The following NOL10 variants were observed in gnomAD, a reference collection of about 807,000 sequenced individuals.
NOL10 encodes the protein nucleolar protein 10, also known as H_NH0074G24.1.
NOL10 carries 58 observed loss-of-function variants against 103.5 expected under a neutral mutation model. The ratio of observed to expected loss-of-function variants is 0.56; its 90% CI spans 0.45 to 0.70. The LOEUF (loss-of-function observed/expected upper bound fraction) is 0.70, where lower values mean the gene tolerates loss of function less well. NOL10 is among the 30% of genes least tolerant of loss of function. The pLI is 0.00. For synonymous variants in NOL10, 287 were observed against 282.5 expected (o/e 1.02, Z -0.16); for missense variants, 763 against 807.3 (o/e 0.95, Z 0.67).
chr2:10,580,446 C>T (rs4669596), intron 19 of NOL10, among the ~76,000 whole-genome samples: 89,436 of 150,612 alleles, frequency 0.59, 27,515 homozygotes, highest in African/African-American at 0.74. Context: ...GACTTTTTCA[C>T]TGGTGTATAG....
chr2:10,572,234 C>G, intron 20 of NOL10, 44 bp from the exon 21 acceptor site: 1 of 1,607,126 alleles, frequency 6.2e-7, no homozygotes, highest in East Asian at 2.2e-5. Context: ...AGAGAAAATT[C>G]TATACCTCTT....
intron 19 of NOL10, among the ~76,000 whole-genome samples, chr2:10,585,988 A>C (rs1397031885): frequency 6.6e-6 from 1 of 152,222 alleles, no homozygotes; most frequent in Non-Finnish European, 1.5e-5. Context: ...CATTAAAGAC[A>C]CTGTGCTAAG....
chr2:10,667,948 G>A (rs1378517159), intron 7 of NOL10, among the ~76,000 whole-genome samples: 2 of 151,970 alleles, frequency 1.3e-5, no homozygotes, highest in African/African-American at 4.8e-5. Flanking sequence ...AAAGCAATAC[G>A]AGAAATTCAG....
intron 12 of NOL10, among the ~76,000 whole-genome samples, chr2:10,647,374 A>G (rs1036187039): frequency 6.6e-6 from 1 of 152,244 alleles, no homozygotes; most frequent in Non-Finnish European, 1.5e-5. Flanking sequence ...AACTGTTACC[A>G]GGCCAGGAAA....
rs869294782 is a variant in NOL10, at chr2:10,638,483, C to CTT, written c.1026+5835_1026+5836dup. 7.1e-3 allele frequency among the ~76,000 whole-genome samples: 549 copies of CTT among 77,750 alleles called. 93 individuals carry two copies. The highest frequency in any genetic ancestry group is 0.021 in the African/African-American group (384 of 18,650). The allele number at this position is 77,750 out of a possible 152,430, so 51.0% of individuals were successfully genotyped here. A position where few individuals can be genotyped will look rare whatever the true frequency, so the allele number is the denominator to read the frequency against. On this transcript the variant is annotated intron_variant, in intron 13 of 20. Coordinates refer to ENST00000381685, the MANE Select transcript of NOL10 (RefSeq NM_024894.4). ...GCACATACCCTTATAGCTGAATTCC[C>CTT]TTTTTTTTTTTTTTTTTTTTTTTTT...
chr2:10,632,663 C>T (rs554753163), intron 13 of NOL10, among the ~76,000 whole-genome samples: 1 of 152,312 alleles, frequency 6.6e-6, no homozygotes, highest in South Asian at 2.1e-4. Context: ...TTTGTGTCTA[C>T]TTGCACATTC....
chr2:10,680,174 G>C (rs1681635615), intron 3 of NOL10, among the ~76,000 whole-genome samples: 1 of 152,076 alleles, frequency 6.6e-6, no homozygotes, highest in African/African-American at 2.4e-5. Context: ...CTACTCAGGA[G>C]ACTGACACAG....
At position 10,602,814 on chromosome 2, in the gene NOL10, T is replaced by C; in HGVS notation, c.1294A>G (p.Lys432Glu). 2 of 1,609,354 alleles carry C rather than the reference T, an allele frequency of 1.2e-6. No individual in the cohort carries two copies. The highest frequency in any genetic ancestry group is 1.7e-6 in the Non-Finnish European group (2 of 1,176,538). ...EEYRKDKIRQ[K>E]IEETRAQRVQ... ...CTCTGTGCACGTGTTTCTTCTATTT[T>C]CTGTCGTATTTTATCTTTCCTATAT... The change falls in exon 16 of 21, where the codon AAA becomes GAA. Residue 432 changes from lysine to glutamate, a missense_variant. Coordinates refer to ENST00000381685, the MANE Select transcript of NOL10 (RefSeq NM_024894.4).
intron 10 of NOL10, 94 bp from the exon 11 acceptor site, chr2:10,657,985 C>T (rs921939857): frequency 2.1e-6 from 2 of 961,070 alleles, no homozygotes; most frequent in East Asian, 2.7e-5. Flanking sequence ...TTTGCTTCAT[C>T]GCTTTGTTAT....
chr2:10,636,767 G>A (rs549633238), intron 13 of NOL10, among the ~76,000 whole-genome samples: 6 of 152,178 alleles, frequency 3.9e-5, no homozygotes, highest in East Asian at 1.9e-4. Flanking sequence ...ATCACATAGC[G>A]ATGATTAAAA....
intron 19 of NOL10, among the ~76,000 whole-genome samples, chr2:10,578,620 T>A (rs10190774): frequency 0.34 from 52,127 of 151,908 alleles, 9,352 homozygotes; most frequent in Non-Finnish European, 0.4. Context: ...GAGGTTAAGT[T>A]TGAATTTTGT....
intron 13 of NOL10, among the ~76,000 whole-genome samples, chr2:10,633,424 G>T (rs982749920): frequency 6.6e-6 from 1 of 150,778 alleles, no homozygotes; most frequent in Non-Finnish European, 1.5e-5. Flanking sequence ...ATATATTAAT[G>T]TATCATAACA....
At position 10,607,285 on chromosome 2, in the gene NOL10, A is replaced by C. The variant is rs749384036; in HGVS notation, c.1053T>G (p.Cys351Trp). 2.5e-6 allele frequency: 4 copies of C among 1,608,480 alleles called. No homozygotes were observed. The highest frequency in any genetic ancestry group is 3.4e-5 in the Admixed American group (2 of 59,530). The part of the protein sequence containing the change: ...IPVLGPAPRW[C>W]SFLDNLTEEL... ...CTTCGGTCAAGTTGTCTAAGAAGGA[A>C]CACCACCGAGGAGCAGGACCCAAAA... Residue 351 changes from cysteine to tryptophan, a missense_variant, in exon 14 of 21, where the codon TGT (cysteine) becomes TGG (tryptophan). Cys to Trp is a radical substitution (Grantham distance 215). Coordinates refer to ENST00000381685, the MANE Select transcript of NOL10 (RefSeq NM_024894.4).
In NOL10 at chr2:10,589,574, T is replaced by C. The variant is rs1371320354; in HGVS notation, c.1596+4A>G. Reference sequence around the variant, plus strand: ...CAAATTCTAACTGATAAGGAGTACATTACTTTTTCACGAAGTTCTTGTTGC... The same window carrying C: ...CAAATTCTAACTGATAAGGAGTACACTACTTTTTCACGAAGTTCTTGTTGC... On this transcript the variant is annotated splice_donor_region_variant and intron_variant, in intron 18 of 20. Coordinates refer to ENST00000381685, the MANE Select transcript of NOL10 (RefSeq NM_024894.4). 1.3e-6 allele frequency: 2 copies of C among 1,555,808 alleles called. No individual in the cohort carries two copies. The highest frequency in any genetic ancestry group is 1.4e-5 in the African/African-American group (1 of 72,232).
At chr2:10,588,639 T>C (rs1173036443) in intron 19 of NOL10, among the ~76,000 whole-genome samples, 4 of 152,148 alleles carry the variant, frequency 2.6e-5, no homozygotes, top group Non-Finnish European at 5.9e-5. Flanking sequence ...CACTGATCTG[T>C]AGGGCACAGA....
At chr2:10,633,967 C>T (rs924796666) in intron 13 of NOL10, among the ~76,000 whole-genome samples, 1 of 152,096 alleles carries the variant, frequency 6.6e-6, no homozygotes, top group African/African-American at 2.4e-5. Context: ...GCTGGAACTA[C>T]AGACACATGT....
intron 3 of NOL10, among the ~76,000 whole-genome samples, chr2:10,680,498 A>G (rs552288485): frequency 1.6e-4 from 24 of 152,312 alleles, no homozygotes; most frequent in African/African-American, 5.3e-4. Context: ...TAGCTTTCTT[A>G]AGTACTAGAT....
intron 5 of NOL10, among the ~76,000 whole-genome samples, chr2:10,672,955 T>C (rs1018648286): frequency 2.4e-4 from 37 of 152,098 alleles, no homozygotes; most frequent in Non-Finnish European, 3.8e-4. Flanking sequence ...ATTACGCCAC[T>C]GCCCCTCCGG....
chr2:10,592,083 G>A (rs1286421110), intron 17 of NOL10, among the ~76,000 whole-genome samples: 2 of 152,156 alleles, frequency 1.3e-5, no homozygotes, highest in African/African-American at 4.8e-5. Context: ...ACGGACTGCT[G>A]AGTAAGAAGT....
Sources: gnomAD v4.1 joint callset for allele counts (sites outside exome capture counted in the v4.1 genomes callset) on GRCh38, gnomAD v4.1.1 for gene constraint, MANE v1.5 for transcripts, NCBI Gene and HGNC (gene_info 2026-07-23, HGNC 2026-07-21) for gene names.